The following POTEB3 variants were observed in gnomAD, a reference collection of about 807,000 sequenced individuals.
POTEB3 encodes the protein ANKRD26-like family B member 1.
Under a neutral mutation model 39.8 loss-of-function variants are expected in POTEB3, and 5 were observed. That is an observed-to-expected ratio of 0.13 (90% CI 0.07 to 0.26). The LOEUF is 0.26. Among genes scored for constraint, POTEB3 ranks in the 10% least tolerant of loss-of-function variants. The pLI is 1.00. For synonymous variants in POTEB3, 5 were observed against 161.5 expected, an observed-to-expected ratio of 0.03 and a Z score of 7.35; for missense variants, 24 against 475.6, an observed-to-expected ratio of 0.05 and a Z score of 8.83.
At chr15:21,434,232 A>T (rs1899100530) in intron 3 of POTEB3, among the ~76,000 whole-genome samples, 1 of 133,474 alleles carries the variant, frequency 7.5e-6, no homozygotes, top group Non-Finnish European at 1.6e-5. Flanking sequence ...ACATCACCTC[A>T]TATCTATTAG....
At position 21,407,569 on chromosome 15, in the gene POTEB3, G is replaced by A. The variant is rs1396421126; in HGVS notation, c.*1414C>T. 2.3e-5 allele frequency among the ~76,000 whole-genome samples: 2 copies of A among 86,814 alleles called. No individual in the cohort carries two copies. Among genetic ancestry groups the A allele is most frequent in the Non-Finnish European group, 4.1e-5 (2 of 48,680 alleles). The allele number at this position is 86,814 out of a possible 152,430, so 57.0% of individuals were successfully genotyped here. ...TCTGCTTGTACAGAAGCTATGGTGT[G>A]GGCACCCAAAAGTGCCCTCTAAGCA... is the stretch of plus-strand genomic sequence containing the variant. On this transcript the variant is annotated 3_prime_UTR_variant, in exon 11 of 11. Transcript: ENST00000611217.
intron 3 of POTEB3, among the ~76,000 whole-genome samples, chr15:21,434,086 A>AAAACC (rs1899094072): frequency 1.5e-5 from 2 of 137,486 alleles, no homozygotes; most frequent in African/African-American, 3.0e-5. Context: ...AAAACAAAAA[A>AAAACC]AAAACCTCTT....
At chr15:21,433,122 G>A (rs1899040283) in intron 3 of POTEB3, among the ~76,000 whole-genome samples, 2 of 149,982 alleles carry the variant, frequency 1.3e-5, no homozygotes, top group South Asian at 4.2e-4. Context: ...GGAAAGGAAA[G>A]ATTTAAAGGA....
At chr15:21,425,055 G>T (rs1175422132) in intron 6 of POTEB3, 2 of 147,488 alleles carry the variant, frequency 1.4e-5, no homozygotes, top group East Asian at 4.0e-4. Context: ...CCATGGGCAG[G>T]TGAAAACCTT....
rs1370210040 is a variant in POTEB3 at position 21,414,617 on chromosome 15, T to C, written c.1410-3616A>G. The stretch of plus-strand genomic sequence containing the variant: ...CAATGTGAGCAGCTTACTTCTGAAA[T>C]ACAGCCACGCAGCAGCACCTGCTCC... On this transcript the variant is annotated intron_variant, in intron 9 of 10. Transcript: ENST00000611217. Among the ~76,000 whole-genome samples the C allele has an allele frequency of 1.4e-4, 11 of 79,464 alleles. 2 individuals are homozygous for C. The highest frequency in any genetic ancestry group is 2.5e-4 in the Non-Finnish European group (11 of 44,672). 52.1% of individuals were successfully genotyped at this position (79,464 alleles called of 152,430 possible). A position where few individuals can be genotyped will look rare whatever the true frequency, so the allele number is the denominator to read the frequency against.
chr15:21,414,346 G>A (rs1898373718), intron 9 of POTEB3, among the ~76,000 whole-genome samples: 1 of 124,304 alleles, frequency 8.0e-6, no homozygotes, highest in Non-Finnish European at 1.6e-5. Context: ...CTTCCTGAGA[G>A]CTATTATTAA....
Position 21,410,849 on chromosome 15 carries a change from A to G in POTEB3, c.1533+29T>C, listed in dbSNP as rs1898308407. 2 of 1,065,388 alleles carry G rather than the reference A, an allele frequency of 1.9e-6. 1 individual carries two copies. The highest frequency in any genetic ancestry group is 2.5e-6 in the Non-Finnish European group (2 of 803,290). The allele number at this position is 1,065,388 out of a possible 1,614,324, so 66.0% of individuals were successfully genotyped here. On this transcript the variant is annotated intron_variant, in intron 10 of 10. Coordinates refer to ENST00000611217, the MANE Select transcript of POTEB3 (RefSeq NM_207355.5). ...TTTTTAAAAATATACACACATATGAAAACATTTGATAATGACTAAAGAAAA... is the reference window on the plus strand; with the variant it reads ...TTTTTAAAAATATACACACATATGAGAACATTTGATAATGACTAAAGAAAA...
In POTEB3 at chr15:21,430,988, C is replaced by G. The variant is rs200594041; in HGVS notation, c.918-587G>C. ...TATGACAACATATTGGGTGGTAAAT[C>G]ACGTTCCCAATGTCACACACGTAGC... On this transcript the variant is annotated intron_variant, in intron 4 of 10. Coordinates refer to ENST00000611217, the MANE Select transcript of POTEB3 (RefSeq NM_207355.5). Among the ~76,000 whole-genome samples the G allele has an allele frequency of 6.0e-3, 861 of 144,236 alleles. 5 individuals are homozygous for G. The highest frequency in any genetic ancestry group is 0.019 in the African/African-American group (675 of 36,268). The allele number at this position is 144,236 out of a possible 152,430, so 94.6% of individuals were successfully genotyped here. A position where few individuals can be genotyped will look rare whatever the true frequency, so the allele number is the denominator to read the frequency against.
chr15:21,424,738 G>C (rs1445327787), intron 6 of POTEB3, among the ~76,000 whole-genome samples: 1 of 151,750 alleles, frequency 6.6e-6, no homozygotes, highest in Admixed American at 6.6e-5. Flanking sequence ...CTCATGCCCA[G>C]CTTAAATACT....
intron 9 of POTEB3, among the ~76,000 whole-genome samples, chr15:21,416,883 T>C (rs1898415581): frequency 3.8e-5 from 1 of 26,096 alleles, no homozygotes; most frequent in Non-Finnish European, 6.3e-5. Context: ...GAGGTTGTAG[T>C]GAGCCGAGAT....
rs1898482586 is a variant in POTEB3, at chr15:21,420,747, TG to T, written c.1198-30del. The T allele has an allele frequency of 2.3e-5, 2 of 85,340 alleles. 1 individual carries two copies. The highest frequency in any genetic ancestry group is 3.6e-4 in the East Asian group (2 of 5,490). The allele number at this position is 85,340 out of a possible 1,614,324, so 5.3% of individuals were successfully genotyped here. A position where few individuals can be genotyped will look rare whatever the true frequency, so the allele number is the denominator to read the frequency against. ...CAGATGCAAAAATAGAAGGTTAATT[TG>T]CTTGTTGTATTTCCGTGTATGTCTC... On this transcript the variant is annotated intron_variant, in intron 7 of 10. Transcript: ENST00000611217.
At chr15:21,409,976 T>TACA (rs56183625) in intron 10 of POTEB3, among the ~76,000 whole-genome samples, 1 of 82,374 alleles carries the variant, frequency 1.2e-5, no homozygotes, top group Non-Finnish European at 2.2e-5. Context: ...CCATCTAGAA[T>TACA]ACACACACAC....
At chr15:21,428,676 T>C in intron 5 of POTEB3, among the ~76,000 whole-genome samples, 1 of 148,244 alleles carries the variant, frequency 6.7e-6, no homozygotes, top group Non-Finnish European at 1.5e-5. Flanking sequence ...ATTGACATTC[T>C]CTAATTTTTG....
intron 6 of POTEB3, among the ~76,000 whole-genome samples, chr15:21,422,899 T>C (rs1260769015): frequency 1.4e-5 from 2 of 148,014 alleles, no homozygotes; most frequent in African/African-American, 5.0e-5. Context: ...GCTCAGCTTT[T>C]TGATGCAAAT....
At chr15:21,421,363 G>A (rs1328110076) in intron 7 of POTEB3, among the ~76,000 whole-genome samples, 14 of 135,836 alleles carry the variant, frequency 1.0e-4, no homozygotes, top group African/African-American at 4.1e-4. Flanking sequence ...AATTACAGTG[G>A]ATAAAAATTT....
chr15:21,423,285 G>A, intron 6 of POTEB3, among the ~76,000 whole-genome samples: 1 of 95,316 alleles, frequency 1.0e-5, no homozygotes, highest in Non-Finnish European at 2.2e-5. Flanking sequence ...ATTTTTAGTA[G>A]AGATGGGGTT....
At chr15:21,422,832 C>A (rs1458978719) in intron 6 of POTEB3, among the ~76,000 whole-genome samples, 14 of 151,328 alleles carry the variant, frequency 9.3e-5, no homozygotes, top group Admixed American at 4.6e-4. Flanking sequence ...TGATTAACTG[C>A]CTTTGTTCTG....
chr15:21,421,977 G>T (rs1386269037), intron 7 of POTEB3, 143 bp downstream of exon 7: 1 of 611,598 alleles, frequency 1.6e-6, no homozygotes, highest in Admixed American at 3.0e-5. Flanking sequence ...TAAATTTTAA[G>T]AATCTATTAA....
chr15:21,423,334 T>C (rs1167284444), intron 6 of POTEB3, among the ~76,000 whole-genome samples: 21 of 89,542 alleles, frequency 2.3e-4, no homozygotes, highest in African/African-American at 8.3e-4. Context: ...TTTGACCTTG[T>C]GATCCACCTG....
Sources: allele counts gnomAD v4.1 joint callset (sites outside exome capture counted in the v4.1 genomes callset), GRCh38; gene constraint gnomAD v4.1.1; transcripts MANE v1.5; gene names NCBI Gene and HGNC (gene_info 2026-07-23, HGNC 2026-07-21).